The following TRAPPC13 variants were observed in gnomAD, a reference collection of about 807,000 sequenced individuals.
TRAPPC13 encodes trafficking protein particle complex subunit 13, also known as REV7-interacting novel NHEJ regulator 1.
Under a neutral mutation model 54.0 loss-of-function variants are expected in TRAPPC13, and 39 were observed. The observed-to-expected ratio is 0.72, with a 90% CI of 0.56 to 0.94. The LOEUF (loss-of-function observed/expected upper bound fraction) is 0.94, where lower values mean the gene tolerates loss of function less well. TRAPPC13 is among the 40% of genes least tolerant of loss of function. The pLI, the probability that TRAPPC13 is intolerant of heterozygous loss-of-function variation, is 0.00. For missense variants in TRAPPC13, 386 were observed against 488.1 expected (o/e 0.79, Z 1.97); for synonymous variants, 148 against 167.7 (o/e 0.88, Z 0.91).
chr5:65,643,161 CT>C (rs200564724), intron 4 of TRAPPC13, among the ~76,000 whole-genome samples: 21 of 147,352 alleles, frequency 1.4e-4, no homozygotes, highest in South Asian at 4.3e-4. Context: ...GGGGGAAAGG[CT>C]TTTTTTTTTC....
At chr5:65,663,443 T>C (rs968177284) in intron 11 of TRAPPC13, 2 of 152,158 alleles carry the variant, frequency 1.3e-5, no homozygotes, top group African/African-American at 2.4e-5. Context: ...ATAGTAGCCA[T>C]CTCAAATGCT....
At chr5:65,627,562 G>A (rs561516737) in intron 1 of TRAPPC13, among the ~76,000 whole-genome samples, 2 of 151,444 alleles carry the variant, frequency 1.3e-5, no homozygotes, top group South Asian at 2.1e-4. Context: ...CCTGGGAGGC[G>A]AAGGTTGCTG....
chr5:65,630,289 T>A, intron 1 of TRAPPC13: 1 of 1,531,750 alleles, frequency 6.5e-7, no homozygotes, highest in South Asian at 1.2e-5. Flanking sequence ...TAGCTCTTAC[T>A]GGAAAAATTA....
chr5:65,641,637 T>G (rs1241487775), intron 4 of TRAPPC13, among the ~76,000 whole-genome samples: 1 of 150,392 alleles, frequency 6.6e-6, no homozygotes, highest in Non-Finnish European at 1.5e-5. Context: ...CTTGAACTCA[T>G]GAATTCGAGG....
intron 4 of TRAPPC13, among the ~76,000 whole-genome samples, chr5:65,645,842 A>G (rs759155477): frequency 7.2e-5 from 11 of 152,168 alleles, no homozygotes; most frequent in Non-Finnish European, 1.3e-4. Context: ...TATAAAAGAA[A>G]CAAAAACTTA....
At chr5:65,640,366 G>A (rs1031516325) in intron 4 of TRAPPC13, among the ~76,000 whole-genome samples, 2 of 152,138 alleles carry the variant, frequency 1.3e-5, no homozygotes, top group South Asian at 4.1e-4. Context: ...GCAAGGCACC[G>A]CCTCTACAAA....
At chr5:65,625,341 C>T in intron 1 of TRAPPC13, 3 of 445,306 alleles carry the variant, frequency 6.7e-6, no homozygotes, top group African/African-American at 2.0e-5. Flanking sequence ...TGTGCTGCTT[C>T]AGTCACGAGA....
chr5:65,638,435 C>A (rs10074627), intron 4 of TRAPPC13, among the ~76,000 whole-genome samples: 10,208 of 152,060 alleles, frequency 0.067, 488 homozygotes, highest in Middle Eastern at 0.095. Flanking sequence ...AGAGGGAATG[C>A]GAAGAGGATC....
intron 1 of TRAPPC13, among the ~76,000 whole-genome samples, chr5:65,629,022 A>C (rs1425043955): frequency 6.6e-6 from 1 of 152,098 alleles, no homozygotes; most frequent in Non-Finnish European, 1.5e-5. Context: ...GGTTTTCACC[A>C]TGTTGGATTA....
chr5:65,656,242 T>C (rs932380986), intron 8 of TRAPPC13, among the ~76,000 whole-genome samples: 1 of 152,246 alleles, frequency 6.6e-6, no homozygotes, highest in African/African-American at 2.4e-5. Flanking sequence ...TTTTAAAATA[T>C]CAAATTGCTT....
chr5:65,643,225 G>T (rs927289806), intron 4 of TRAPPC13, among the ~76,000 whole-genome samples: 3 of 150,898 alleles, frequency 2.0e-5, no homozygotes, highest in African/African-American at 7.3e-5. Flanking sequence ...AATCAGCGTT[G>T]TTCTTGTAAT....
intron 1 of TRAPPC13, chr5:65,630,066 A>G: frequency 6.5e-7 from 1 of 1,536,102 alleles, no homozygotes; most frequent in South Asian, 1.2e-5. Flanking sequence ...AAGGCACTAA[A>G]TTTACACTCA....
In TRAPPC13 at chr5:65,644,942, A is replaced by G. The variant is rs551079650; in HGVS notation, c.301-2113A>G. Among the ~76,000 whole-genome samples, 4 of 151,858 alleles carry G rather than the reference A, an allele frequency of 2.6e-5. No individual in the cohort carries two copies. The East Asian group carries it at 7.7e-4, about 29-fold the overall frequency. ...CTGGGCGCGGTGGCTCATACCTGTA[A>G]TCTCAGCACTTTGGGAGGCCAAGGC... On this transcript the variant is annotated intron_variant, in intron 4 of 12. Coordinates refer to ENST00000399438, the MANE Select transcript of TRAPPC13 (RefSeq NM_024941.4).
chr5:65,655,460 G>T (rs532313986), intron 7 of TRAPPC13, among the ~76,000 whole-genome samples, 176 bp from the exon 8 acceptor site: 1 of 152,052 alleles, frequency 6.6e-6, no homozygotes, highest in African/African-American at 2.4e-5. Context: ...CACCTTTTTA[G>T]AAAAATGGTT....
intron 1 of TRAPPC13, among the ~76,000 whole-genome samples, chr5:65,629,317 G>A (rs1257164914): frequency 1.3e-5 from 2 of 152,136 alleles, no homozygotes; most frequent in African/African-American, 4.8e-5. Context: ...GAATTTTCAG[G>A]TTTGTAGATT....
intron 11 of TRAPPC13, chr5:65,662,704 C>T (rs1290960997): frequency 6.6e-6 from 1 of 152,110 alleles, no homozygotes; most frequent in Non-Finnish European, 1.5e-5. Context: ...TGTATTACCA[C>T]TTGGTTTGTA....
At chr5:65,650,298 A>G (rs1347012731) in intron 5 of TRAPPC13, among the ~76,000 whole-genome samples, 1 of 150,242 alleles carries the variant, frequency 6.7e-6, no homozygotes, top group Non-Finnish European at 1.5e-5. Flanking sequence ...AGTAGCTGGG[A>G]TTACAGGCGC....
intron 4 of TRAPPC13, among the ~76,000 whole-genome samples, chr5:65,641,539 C>G (rs901968282): frequency 1.3e-5 from 2 of 151,712 alleles, no homozygotes; most frequent in African/African-American, 4.8e-5. Flanking sequence ...GATCGATGTC[C>G]CTACAAAAAA....
At chr5:65,654,966 G>A (rs1008190058) in intron 7 of TRAPPC13, among the ~76,000 whole-genome samples, 2 of 152,156 alleles carry the variant, frequency 1.3e-5, no homozygotes, top group Non-Finnish European at 2.9e-5. Flanking sequence ...AACCCAAATC[G>A]TGAAGTAACA....
Sources: gnomAD v4.1 joint callset for allele counts (sites outside exome capture counted in the v4.1 genomes callset) on GRCh38, gnomAD v4.1.1 for gene constraint, MANE v1.5 for transcripts, NCBI Gene and HGNC (gene_info 2026-07-23, HGNC 2026-07-21) for gene names.